The following STS variants were observed in gnomAD, a reference collection of about 807,000 sequenced individuals.
STS encodes the protein steryl-sulfatase.
A neutral mutation model predicts 26.8 loss-of-function variants in STS; 7 were observed. That is an observed-to-expected ratio of 0.26 (90% CI 0.15 to 0.49). The LOEUF is 0.49. STS is among the 20% of genes least tolerant of loss of function. The pLI, the probability that STS is intolerant of heterozygous loss-of-function variation, is 0.98. For missense variants in STS, 434 were observed against 465.6 expected, an observed-to-expected ratio of 0.93 and a Z score of 0.63; for synonymous variants, 199 against 189.4, an observed-to-expected ratio of 1.05 and a Z score of -0.42.
chrX:7,221,382 CAGT>C (rs1399146017), intron 2 of STS, among the ~76,000 whole-genome samples: 1 of 112,541 alleles, frequency 8.9e-6, no homozygotes, highest in Non-Finnish European at 1.9e-5. Flanking sequence ...AGCACAGGCT[CAGT>C]AACCTCTCTG....
chrX:7,178,813 G>A (rs1206555685), intron 1 of STS, among the ~76,000 whole-genome samples: 1 of 108,924 alleles, frequency 9.2e-6, no homozygotes, highest in African/African-American at 3.4e-5. Flanking sequence ...TCTCATGAAA[G>A]TGGTAACTGG....
At chrX:7,309,177 G>A (rs1926362029) in intron 8 of STS, among the ~76,000 whole-genome samples, 1 of 111,458 alleles carries the variant, frequency 9.0e-6, no homozygotes, top group African/African-American at 3.3e-5. Flanking sequence ...TAAAGAAAAT[G>A]TGGTATATAT....
intron 2 of STS, among the ~76,000 whole-genome samples, chrX:7,206,681 A>C (rs371525652): frequency 6.2e-5 from 7 of 112,027 alleles, no homozygotes; most frequent in South Asian, 7.4e-4. Context: ...CAAGGGCCTT[A>C]AATAAGAGGC....
At chrX:7,241,871 C>T (rs916673885) in intron 2 of STS, among the ~76,000 whole-genome samples, 1 of 111,963 alleles carries the variant, frequency 8.9e-6, no homozygotes, top group African/African-American at 3.2e-5. Context: ...TCTTTCCAAG[C>T]TCATTCAGAT....
At chrX:7,203,799 G>C (rs1380090042) in intron 2 of STS, among the ~76,000 whole-genome samples, 8 of 110,450 alleles carry the variant, frequency 7.2e-5, no homozygotes, top group African/African-American at 2.6e-4. Flanking sequence ...TATAGAGAGA[G>C]AGAGAGACAG....
intron 2 of STS, among the ~76,000 whole-genome samples, chrX:7,193,838 A>G (rs1457145293): frequency 9.0e-6 from 1 of 111,696 alleles, no homozygotes; most frequent in African/African-American, 3.3e-5. Context: ...TCAGGAGAAC[A>G]CTTATATTGT....
At chrX:7,165,506 TGTG>T (rs1241944472) in intron 1 of STS, among the ~76,000 whole-genome samples, 10 of 110,319 alleles carry the variant, frequency 9.1e-5, no homozygotes, top group African/African-American at 2.6e-4. Flanking sequence ...ATCAGCCAGG[TGTG>T]GTGGCTCACA....
At chrX:7,304,933 G>T in intron 7 of STS, 113 bp from the exon 8 acceptor site, 1 of 919,738 alleles carries the variant, frequency 1.1e-6, no homozygotes, top group Non-Finnish European at 1.6e-6. Flanking sequence ...ACTCCAATAT[G>T]TAAGAACGTT....
At chrX:7,186,475 G>T (rs1260018489) in intron 1 of STS, among the ~76,000 whole-genome samples, 1 of 111,410 alleles carries the variant, frequency 9.0e-6, no homozygotes, top group Non-Finnish European at 1.9e-5. Flanking sequence ...TAGTGAGGTG[G>T]TCATGTTGAA....
intron 1 of STS, among the ~76,000 whole-genome samples, chrX:7,152,876 C>T (rs1183679002): frequency 5.3e-5 from 6 of 112,527 alleles, no homozygotes. Flanking sequence ...CAGTTAATAA[C>T]AAGAAAGTAG....
At chrX:7,207,159 C>T (rs1013325025) in intron 2 of STS, among the ~76,000 whole-genome samples, 2 of 111,796 alleles carry the variant, frequency 1.8e-5, no homozygotes, top group Non-Finnish European at 3.8e-5. Flanking sequence ...CACTGCACTT[C>T]AGCCTGGGCA....
At chrX:7,311,078 A>G (rs769334451) in intron 8 of STS, among the ~76,000 whole-genome samples, 1 of 111,581 alleles carries the variant, frequency 9.0e-6, no homozygotes, top group South Asian at 3.8e-4. Flanking sequence ...TGTATCCCAT[A>G]TTTTGGAATC....
At chrX:7,225,675 A>G (rs1921770163) in intron 2 of STS, among the ~76,000 whole-genome samples, 1 of 111,934 alleles carries the variant, frequency 8.9e-6, no homozygotes, top group Non-Finnish European at 1.9e-5. Context: ...TTTCAGGCAG[A>G]GTGAGCCATT....
At chrX:7,232,987 G>A (rs964429289) in intron 2 of STS, among the ~76,000 whole-genome samples, 4 of 110,731 alleles carry the variant, frequency 3.6e-5, no homozygotes, top group South Asian at 3.8e-4. Flanking sequence ...ATCACCTTCC[G>A]CCATGATTGT....
intron 1 of STS, among the ~76,000 whole-genome samples, chrX:7,183,733 G>A (rs1569183130): frequency 8.9e-6 from 1 of 112,204 alleles, no homozygotes; most frequent in Non-Finnish European, 1.9e-5. Flanking sequence ...GCCGGGCATA[G>A]TGGCTCATGC....
At chrX:7,150,490 G>A (rs926300349) in intron 1 of STS, among the ~76,000 whole-genome samples, 7 of 111,175 alleles carry the variant, frequency 6.3e-5, no homozygotes, top group Non-Finnish European at 3.8e-5. Flanking sequence ...CAAAGTGCTG[G>A]AATTACAGAC....
chrX:7,214,398 G>T (rs1267719863), intron 2 of STS, among the ~76,000 whole-genome samples: 3 of 111,803 alleles, frequency 2.7e-5, no homozygotes, highest in Admixed American at 9.5e-5. Flanking sequence ...AGTTGAAACT[G>T]GCTATCTAGA....
intron 2 of STS, among the ~76,000 whole-genome samples, chrX:7,251,136 G>A (rs1363205591): frequency 8.9e-6 from 1 of 111,776 alleles, no homozygotes; most frequent in East Asian, 2.8e-4. Context: ...CTCTTGGCTG[G>A]CAAAGCCCCT....
At chrX:7,209,795 G>A (rs1375110835) in intron 2 of STS, among the ~76,000 whole-genome samples, 1 of 109,231 alleles carries the variant, frequency 9.2e-6, no homozygotes, top group Non-Finnish European at 1.9e-5. Context: ...CCCCAAATAG[G>A]CCCTGGTGTG....
Sources: allele counts gnomAD v4.1 joint callset (sites outside exome capture counted in the v4.1 genomes callset), GRCh38; gene constraint gnomAD v4.1.1; transcripts MANE v1.5; gene names NCBI Gene and HGNC (gene_info 2026-07-23, HGNC 2026-07-21).